The following SGTB variants were observed in gnomAD, a reference collection of about 807,000 sequenced individuals.
SGTB encodes the protein small glutamine-rich tetratricopeptide repeat-containing protein beta.
SGTB carries 19 observed loss-of-function variants against 43.9 expected under a neutral mutation model. That is an observed-to-expected ratio of 0.43 (90% confidence interval 0.30 to 0.63). SGTB has a LOEUF of 0.63. SGTB is among the 30% of genes least tolerant of loss of function. The pLI, the probability that SGTB is intolerant of heterozygous loss-of-function variation, is 0.12. For missense variants in SGTB, 304 were observed against 358.9 expected (o/e 0.85, Z 1.24); for synonymous variants, 116 against 117.3 (o/e 0.99, Z 0.07).
chr5:65,699,020 C>T (rs925123895), intron 5 of SGTB, among the ~76,000 whole-genome samples: 20 of 152,248 alleles, frequency 1.3e-4, no homozygotes, highest in African/African-American at 4.8e-4. Context: ...ATCCAGGAAT[C>T]CCATTACTGG....
chr5:65,696,294 G>C (rs1262391090), intron 5 of SGTB, among the ~76,000 whole-genome samples: 1 of 152,118 alleles, frequency 6.6e-6, no homozygotes, highest in Non-Finnish European at 1.5e-5. Context: ...ATTGCCTTAA[G>C]TCATTCAACT....
intron 6 of SGTB, among the ~76,000 whole-genome samples, chr5:65,681,579 T>C (rs1284749733): frequency 1.3e-5 from 2 of 152,196 alleles, no homozygotes; most frequent in Non-Finnish European, 2.9e-5. Context: ...CCATGTATGA[T>C]ACTTTATCAG....
In SGTB at chr5:65,713,009, T is replaced by A. The variant is rs758134527; in HGVS notation, c.156A>T (p.Leu52=). 3 of 1,613,776 alleles carry A rather than the reference T, an allele frequency of 1.9e-6. No homozygotes were observed. Among genetic ancestry groups the A allele is most frequent in the African/African-American group, 1.3e-5 (1 of 74,932 alleles). The change falls in exon 3 of 11, where the codon CTA becomes CTT. Residue 52 remains leucine (L), a synonymous_variant. Transcript: ENST00000381007. ...VFKISPEDTH[L]AVSQPLTEMF... ...TTTCTGTCAAAGGCTGTGAAACTGCTAGGTGTGTATCTTCTGGGCTGATCT... is the reference window on the plus strand; with the variant it reads ...TTTCTGTCAAAGGCTGTGAAACTGCAAGGTGTGTATCTTCTGGGCTGATCT...
upstream of SGTB, chr5:65,722,313 C>T (rs969613337): frequency 2.8e-6 from 4 of 1,427,412 alleles, no homozygotes; most frequent in Non-Finnish European, 3.7e-6. Flanking sequence ...CGCTGCCGCC[C>T]GCCTCGCCGC....
At chr5:65,709,109 T>C (rs965894655) in intron 3 of SGTB, among the ~76,000 whole-genome samples, 1 of 152,008 alleles carries the variant, frequency 6.6e-6, no homozygotes, top group African/African-American at 2.4e-5. Context: ...TTCCCATACC[T>C]GGCAATCCTG....
chr5:65,672,220 A>T (rs1304727820), intron 9 of SGTB, 24 bp downstream of exon 9: 1 of 1,613,698 alleles, frequency 6.2e-7, no homozygotes, highest in African/African-American at 1.3e-5. Context: ...GGGGAAGTGT[A>T]ATAAGCTCTT....
rs538022727 is a variant in SGTB, at chr5:65,667,514, A to G, written c.*2732T>C. The G allele has an allele frequency of 1.3e-5, 2 of 152,336 alleles. No homozygotes were observed. The highest frequency in any genetic ancestry group is 4.1e-4 in the South Asian group (2 of 4,828). The allele number at this position is 152,336 out of a possible 1,614,324, so 9.4% of individuals were successfully genotyped here. A position where few individuals can be genotyped will look rare whatever the true frequency, so the allele number is the denominator to read the frequency against. ...ACTGGAATACTAGGAGTTCATTCTA[A>G]CTTAATGAAAATCAAAGTTGGCTTA... On this transcript the variant is annotated 3_prime_UTR_variant, in exon 11 of 11. Transcript: ENST00000381007.
chr5:65,720,969 T>A (rs1316100587), intron 1 of SGTB, 140 bp from the exon 2 acceptor site: 2 of 882,686 alleles, frequency 2.3e-6, no homozygotes, highest in Non-Finnish European at 3.3e-6. Context: ...CTTTCATCTT[T>A]TCTCTTTGTA....
rs1268445436 is a variant in SGTB at position 65,668,727 on chromosome 5, G to C, written c.*1519C>G. The C allele has an allele frequency of 6.9e-6, 1 of 144,404 alleles. No individual in the cohort carries two copies. The highest frequency in any genetic ancestry group is 2.6e-5 in the African/African-American group (1 of 38,442). 8.9% of individuals were successfully genotyped at this position (144,404 alleles called of 1,614,324 possible). A position where few individuals can be genotyped will look rare whatever the true frequency, so the allele number is the denominator to read the frequency against. On this transcript the variant is annotated 3_prime_UTR_variant, in exon 11 of 11. Transcript: ENST00000381007. ...CTGCACTCCAGCCTGGCGACAGAGA[G>C]AGACTCCATCTCAAGAAAAAAAAAA...
At chr5:65,692,504 A>G (rs1418694096) in intron 5 of SGTB, among the ~76,000 whole-genome samples, 1 of 152,202 alleles carries the variant, frequency 6.6e-6, no homozygotes, top group Non-Finnish European at 1.5e-5. Context: ...ACAAAATTTA[A>G]CTTAAATTTA....
chr5:65,720,731 G>A lies in SGTB; in HGVS notation c.77C>T (p.Ser26Leu), dbSNP rs139518528. 21 of 1,613,682 alleles carry A rather than the reference G, an allele frequency of 1.3e-5. No individual in the cohort carries two copies. The highest frequency in any genetic ancestry group is 1.6e-4 in the Middle Eastern group (1 of 6,080). ...ACCTTCCAAACTTTCTTGTTCATCC[G>A]AGGTGTAAGTGTCCATCTGACTTTG... Reference protein sequence around the residue: ...REQSQMDTYTSDEQESLEVAI... With the variant: ...REQSQMDTYTLDEQESLEVAI... The change falls in exon 2 of 11, where the codon TCG (serine) becomes TTG (leucine). Residue 26 changes from serine (S) to leucine (L), a missense_variant. By Grantham distance (145) the Ser-to-Leu change is moderately radical. Coordinates refer to ENST00000381007, the MANE Select transcript of SGTB (RefSeq NM_019072.3).
chr5:65,716,722 G>A (rs896526339), intron 2 of SGTB, among the ~76,000 whole-genome samples: 8 of 152,048 alleles, frequency 5.3e-5, no homozygotes, highest in South Asian at 2.1e-4. Flanking sequence ...TTAAATTTGG[G>A]ATGCCTATTA....
At position 65,685,391 on chromosome 5, in the gene SGTB, G is replaced by A; in HGVS notation, c.456C>T (p.Tyr152=). ...CEKAIAIDSK[Y]SKAYGRMGLA... is the part of the protein sequence containing the mutation. ...ACCCCATTCTCCCATAGGCCTTGCT[G>A]TACTTTGAATCAATTGCTATTGCTT... Residue 152 remains tyrosine (Y), a synonymous_variant, in exon 6 of 11, where the codon TAC becomes TAT. Coordinates refer to ENST00000381007, the MANE Select transcript of SGTB (RefSeq NM_019072.3). 1 of 1,614,168 alleles carries A rather than the reference G, an allele frequency of 6.2e-7. No homozygotes were observed. Among genetic ancestry groups the A allele is most frequent in the Non-Finnish European group, 8.5e-7 (1 of 1,180,030 alleles).
chr5:65,704,572 T>TA (rs1757893746), intron 4 of SGTB, among the ~76,000 whole-genome samples, 194 bp from the exon 5 acceptor site: 1 of 152,238 alleles, frequency 6.6e-6, no homozygotes. Context: ...TGAATCATTT[T>TA]AACAATGCAA....
intron 5 of SGTB, 124 bp downstream of exon 5, chr5:65,704,155 C>T: frequency 1.7e-6 from 1 of 598,824 alleles, no homozygotes; most frequent in African/African-American, 1.9e-5. Context: ...TTTATTTTTT[C>T]TTCCTTCTTT....
At chr5:65,686,442 A>G (rs1220222804) in intron 5 of SGTB, among the ~76,000 whole-genome samples, 1 of 151,648 alleles carries the variant, frequency 6.6e-6, no homozygotes, top group Non-Finnish European at 1.5e-5. Context: ...CTCTGACCTC[A>G]TGTTCCTCTC....
chr5:65,684,768 G>A (rs1187339640), intron 6 of SGTB, among the ~76,000 whole-genome samples: 1 of 152,016 alleles, frequency 6.6e-6, no homozygotes, highest in African/African-American at 2.4e-5. Flanking sequence ...GGGCAGGCTG[G>A]TCTTAAACTC....
chr5:65,678,376 T>C (rs1757323426), intron 8 of SGTB, among the ~76,000 whole-genome samples: 1 of 152,198 alleles, frequency 6.6e-6, no homozygotes, highest in African/African-American at 2.4e-5. Flanking sequence ...AAACACTCCA[T>C]GCTCATGGAT....
intron 6 of SGTB, 30 bp downstream of exon 6, chr5:65,685,338 T>C (rs762257113): frequency 6.3e-7 from 1 of 1,590,854 alleles, no homozygotes; most frequent in Non-Finnish European, 8.6e-7. Flanking sequence ...TGCTACATGG[T>C]ACTACTTGGA....
Sources: gnomAD v4.1 joint callset for allele counts (sites outside exome capture counted in the v4.1 genomes callset) on GRCh38, gnomAD v4.1.1 for gene constraint, MANE v1.5 for transcripts, NCBI Gene and HGNC (gene_info 2026-07-23, HGNC 2026-07-21) for gene names.